Variants in STEAP2 observed in about 807,000 individuals in gnomAD.
STEAP2 encodes the protein metalloreductase STEAP2.
A neutral mutation model predicts 46.4 loss-of-function variants in STEAP2; 30 were observed. The observed-to-expected ratio is 0.65, with a 90% CI of 0.48 to 0.88. The LOEUF (loss-of-function observed/expected upper bound fraction) is 0.88. Among genes scored for constraint, STEAP2 ranks in the 40% least tolerant of loss-of-function variants. STEAP2 has a pLI of 0.00. For synonymous variants in STEAP2, 180 were observed against 200.5 expected (o/e 0.90, Z 0.86); for missense variants, 513 against 579.3 (o/e 0.89, Z 1.18).
chr7:90,218,670 C>T (rs937918555), intron 2 of STEAP2, among the ~76,000 whole-genome samples: 9 of 152,022 alleles, frequency 5.9e-5, no homozygotes, highest in African/African-American at 2.2e-4. Context: ...TTTTCGGTTA[C>T]TATTGCCTTG....
At chr7:90,239,208 A>G (rs1174560850), downstream of STEAP2, among the ~76,000 whole-genome samples, 1 of 152,192 alleles carries the variant, frequency 6.6e-6, no homozygotes, top group Non-Finnish European at 1.5e-5. Flanking sequence ...GCCCTAATCC[A>G]GTATGACTGG....
Position 90,225,451 on chromosome 7 carries a change from C to A in STEAP2, c.369C>A (p.Asn123Lys). The A allele has an allele frequency of 6.2e-7, 1 of 1,613,784 alleles. No individual in the cohort carries two copies. Among genetic ancestry groups the A allele is most frequent in the South Asian group, 1.1e-5 (1 of 91,058 alleles). The change falls in exon 3 of 6, where the codon AAC becomes AAA. Residue 123 changes from asparagine (N) to lysine (K), a missense_variant. By Grantham distance (94) the Asn-to-Lys change is moderately conservative. Coordinates refer to ENST00000394621, the MANE Select transcript of STEAP2 (RefSeq NM_001244944.2). ...ATGTGAGCAATAACATGAGGATAAA[C>A]CAGTACCCAGAATCCAATGCTGAAT... The part of the protein sequence containing the change: ...LIDVSNNMRI[N>K]QYPESNAEYL...
At position 90,236,866 on chromosome 7, in the gene STEAP2, T is replaced by C. The variant is rs1329262751; in HGVS notation, c.*4242T>C. On this transcript the variant is annotated 3_prime_UTR_variant, in exon 6 of 6. Transcript: ENST00000394621. ...CTCCAAATTGCCAACTTTAAGGAAA[T>C]ATTCTCTTGAAATTGTCTTTAAAGA... 8.1e-6 allele frequency: 13 copies of C among 1,613,256 alleles called. 2 individuals carry two copies. Among genetic ancestry groups the C allele is most frequent in the Middle Eastern group, 1.6e-4 (1 of 6,062 alleles).
intron 2 of STEAP2, among the ~76,000 whole-genome samples, chr7:90,222,606 G>A (rs1056023987): frequency 6.6e-6 from 1 of 152,130 alleles, no homozygotes; most frequent in Non-Finnish European, 1.5e-5. Context: ...GGGTATGACA[G>A]TATTAGCACC....
downstream of STEAP2, among the ~76,000 whole-genome samples, chr7:90,239,448 A>T (rs927122842): frequency 6.6e-6 from 1 of 152,230 alleles, no homozygotes; most frequent in Non-Finnish European, 1.5e-5. Context: ...AACTAATACA[A>T]GGTTCATAGA....
Position 90,232,578 on chromosome 7 carries a change from G to A in STEAP2, c.1427G>A (p.Gly476Glu), listed in dbSNP as rs1490849071. Residue 476 changes from glycine to glutamate, a missense_variant, in exon 6 of 6, where the codon GGA becomes GAA. By Grantham distance (98) the Gly-to-Glu change is moderately conservative (BLOSUM62 -2). Coordinates refer to ENST00000394621, the MANE Select transcript of STEAP2 (RefSeq NM_001244944.2). Reference protein sequence around the residue: ...EKSQFLEEGMGGTIPHVSPER... With the variant: ...EKSQFLEEGMEGTIPHVSPER... ...AGCCAATTTCTGGAAGAAGGTATGG[G>A]AGGAACAATTCCTCATGTCTCCCCG... 5 of 1,612,918 alleles carry A rather than the reference G, an allele frequency of 3.1e-6. No homozygotes were observed. Among genetic ancestry groups the A allele is most frequent in the Non-Finnish European group, 3.4e-6 (4 of 1,179,356 alleles).
At chr7:90,242,651 CTG>C (rs1422816489), downstream of STEAP2, among the ~76,000 whole-genome samples, 1 of 152,234 alleles carries the variant, frequency 6.6e-6, no homozygotes, top group Non-Finnish European at 1.5e-5. Context: ...TTTACTTGGA[CTG>C]TGTAACAGCA....
intron 2 of STEAP2, among the ~76,000 whole-genome samples, chr7:90,220,864 C>T (rs1040008933): frequency 1.2e-4 from 18 of 145,586 alleles, no homozygotes; most frequent in Non-Finnish European, 5.9e-5. Context: ...TTGATTTCTT[C>T]CTTAATTTAT....
chr7:90,229,940 TG>T lies in STEAP2; in HGVS notation c.1091del (p.Gly364AlafsTer2). 1.2e-6 allele frequency: 2 copies of T among 1,613,632 alleles called. No homozygotes were observed. Among genetic ancestry groups the T allele is most frequent in the Non-Finnish European group, 1.7e-6 (2 of 1,179,588 alleles). On this transcript the variant is annotated frameshift_variant, in exon 5 of 6. Transcript: ENST00000394621. ...GGAGAATTGAAATGTATATCTCCTT[TG>T]GCATAATGAGCCTTGGCTTACTTTC... ...VWRIEMYISFGIMSLGLLSLL... is the reference protein window; with the variant it reads ...VWRIEMYISFXIMSLGLLSLL...
chr7:90,241,433 T>A (rs1226321429), downstream of STEAP2, among the ~76,000 whole-genome samples: 1 of 152,200 alleles, frequency 6.6e-6, no homozygotes, highest in African/African-American at 2.4e-5. Context: ...TGGCTTCAAA[T>A]CAAAATAAAA....
rs143141815 is a variant in STEAP2 at position 90,232,231 on chromosome 7, T to C, written c.1186-106T>C. 5.1e-4 allele frequency: 670 copies of C among 1,318,552 alleles called. 1 individual carries two copies. The highest frequency in any genetic ancestry group is 7.6e-4 in the Middle Eastern group (3 of 3,948). 81.7% of individuals were successfully genotyped at this position (1,318,552 alleles called of 1,614,324 possible). On this transcript the variant is annotated intron_variant, in intron 5 of 5. Transcript: ENST00000394621. The stretch of plus-strand genomic sequence containing the variant: ...GTTAACTTGATAATTTAAGACAAAA[T>C]AGTTTTATCAAAATATAAACATGGT...
In STEAP2 at chr7:90,225,550, A is replaced by G; in HGVS notation, c.468A>G (p.Leu156=). 1 of 1,598,204 alleles carries G rather than the reference A, an allele frequency of 6.3e-7. No individual in the cohort carries two copies. Among genetic ancestry groups the G allele is most frequent in the African/African-American group, 1.3e-5 (1 of 74,142 alleles). ...TTGTCTCAGCTTGGGCACTTCAGTT[A>G]GGACCTAAGGATGCCAGCCGGCAGG... ...FNVVSAWALQ[L]GPKDASRQVY... The change falls in exon 3 of 6, where the codon TTA becomes TTG. Residue 156 remains leucine, a synonymous_variant. Coordinates refer to ENST00000394621, the MANE Select transcript of STEAP2 (RefSeq NM_001244944.2).
downstream of STEAP2, among the ~76,000 whole-genome samples, chr7:90,239,579 A>T (rs1022995423): frequency 1.3e-5 from 2 of 152,184 alleles, no homozygotes; most frequent in Admixed American, 6.5e-5. Context: ...CACTATAACT[A>T]CCCACCATTT....
At chr7:90,241,071 G>A (rs1006995480), downstream of STEAP2, among the ~76,000 whole-genome samples, 1 of 152,072 alleles carries the variant, frequency 6.6e-6, no homozygotes, top group African/African-American at 2.4e-5. Flanking sequence ...TGGGAACAAA[G>A]GACTTGGAAA....
At chr7:90,226,921 A>AT (rs762167882) in intron 3 of STEAP2, 50 bp from the exon 4 acceptor site, 18 of 1,520,880 alleles carry the variant, frequency 1.2e-5, no homozygotes, top group Non-Finnish European at 1.5e-5. Context: ...GATTGCTACC[A>AT]TTTTTATAAA....
Position 90,237,013 on chromosome 7 carries a change from C to T in STEAP2, c.*4389C>T, listed in dbSNP as rs991658691. 6.4e-6 allele frequency: 10 copies of T among 1,571,156 alleles called. No homozygotes were observed. Among genetic ancestry groups the T allele is most frequent in the African/African-American group, 2.7e-5 (2 of 73,968 alleles). ...TCAGCTGTCCTTGCAGTTAGGTGTA[C>T]ATGTGACTGAGTGTTGGCCAGTGAG... is the stretch of plus-strand genomic sequence containing the variant. On this transcript the variant is annotated 3_prime_UTR_variant, in exon 6 of 6. Transcript: ENST00000394621.
downstream of STEAP2, among the ~76,000 whole-genome samples, chr7:90,238,686 C>T (rs1444462931): frequency 2.0e-5 from 3 of 152,190 alleles, no homozygotes; most frequent in Non-Finnish European, 4.4e-5. Flanking sequence ...TAGTACTCCC[C>T]ATAGAGTGGC....
intron 1 of STEAP2, among the ~76,000 whole-genome samples, chr7:90,214,471 A>G (rs1201427661): frequency 6.6e-6 from 1 of 152,162 alleles, no homozygotes; most frequent in Non-Finnish European, 1.5e-5. Flanking sequence ...GGTCTTTGAT[A>G]GGTAAAATTG....
At chr7:90,232,143 AAAT>A (rs1208203253) in intron 5 of STEAP2, among the ~76,000 whole-genome samples, 191 bp from the exon 6 acceptor site, 1 of 151,950 alleles carries the variant, frequency 6.6e-6, no homozygotes, top group Non-Finnish European at 1.5e-5. Flanking sequence ...GTGTGCATAT[AAAT>A]AATACATATA....
Sources: allele counts gnomAD v4.1 joint callset (sites outside exome capture counted in the v4.1 genomes callset), GRCh38; gene constraint gnomAD v4.1.1; transcripts MANE v1.5; gene names NCBI Gene and HGNC (gene_info 2026-07-23, HGNC 2026-07-21).